Variants in TGFBR3 observed in about 807,000 individuals in gnomAD.
TGFBR3 encodes the protein transforming growth factor beta receptor type 3.
Under a neutral mutation model 87.9 loss-of-function variants are expected in TGFBR3, and 46 were observed. The observed-to-expected ratio is 0.52, with a 90% CI of 0.41 to 0.67. The LOEUF (loss-of-function observed/expected upper bound fraction) is 0.67. TGFBR3 is among the 30% of genes least tolerant of loss of function. The pLI, the probability that TGFBR3 is intolerant of heterozygous loss-of-function variation, is 0.00. For missense variants in TGFBR3, 866 were observed against 1,041.9 expected, an observed-to-expected ratio of 0.83 and a Z score of 2.32; for synonymous variants, 381 against 391.6, an observed-to-expected ratio of 0.97 and a Z score of 0.32.
chr1:91,865,216 A>G (rs1678348400), intron 1 of TGFBR3, among the ~76,000 whole-genome samples: 1 of 151,314 alleles, frequency 6.6e-6, no homozygotes, highest in Non-Finnish European at 1.5e-5. Flanking sequence ...AAAAAAAAAA[A>G]AAAGAAAAAA....
chr1:91,780,837 T>C (rs951685784), intron 3 of TGFBR3, among the ~76,000 whole-genome samples: 4 of 151,138 alleles, frequency 2.6e-5, no homozygotes, highest in African/African-American at 7.3e-5. Context: ...GGATTACAGG[T>C]GTGAGCCACT....
At chr1:91,695,914 A>C (rs1426827754) in intron 15 of TGFBR3, 135 bp from the exon 16 acceptor site, 1 of 777,874 alleles carries the variant, frequency 1.3e-6, no homozygotes, top group East Asian at 2.7e-5. Context: ...GAAGATTCCA[A>C]TAAAATACAC....
At chr1:91,734,417 C>G (rs1672884579) in intron 5 of TGFBR3, among the ~76,000 whole-genome samples, 1 of 152,254 alleles carries the variant, frequency 6.6e-6, no homozygotes, top group Non-Finnish European at 1.5e-5. Flanking sequence ...ATTCTGCCAG[C>G]TCTTCCACTC....
Position 91,797,311 on chromosome 1 carries a change from C to A in TGFBR3, c.222G>T (p.Gln74His). The A allele has an allele frequency of 1.9e-6, 3 of 1,614,222 alleles. No individual in the cohort carries two copies. Among genetic ancestry groups the A allele is most frequent in the Non-Finnish European group, 2.5e-6 (3 of 1,180,036 alleles). The part of the protein sequence containing the change: ...VHVLNLRTAG[Q>H]GPGQLQREVT... The stretch of plus-strand genomic sequence containing the variant: ...CCTCTCTCTGTAGCTGGCCAGGCCC[C>A]TGGCCTGCAGTGCGGAGATTCAGGA... Residue 74 changes from glutamine to histidine, a missense_variant, in exon 3 of 17, where the codon CAG (glutamine) becomes CAT (histidine). Coordinates refer to ENST00000212355, the MANE Select transcript of TGFBR3 (RefSeq NM_003243.5).
intron 2 of TGFBR3, among the ~76,000 whole-genome samples, chr1:91,897,232 C>A (rs1679572180): frequency 6.6e-6 from 1 of 152,150 alleles, no homozygotes. Flanking sequence ...TCAAATGTAG[C>A]CTGCGGGGGT....
chr1:91,701,986 G>C (rs1001915705), intron 14 of TGFBR3, among the ~76,000 whole-genome samples: 1 of 152,096 alleles, frequency 6.6e-6, no homozygotes, highest in Non-Finnish European at 1.5e-5. Context: ...TGTCTCACGT[G>C]GTGGGTGATT....
At chr1:91,729,362 C>A (rs865935368) in intron 6 of TGFBR3, among the ~76,000 whole-genome samples, 3 of 152,076 alleles carry the variant, frequency 2.0e-5, no homozygotes, top group South Asian at 2.1e-4. Context: ...AAGGACACCA[C>A]AAACAGAGCT....
intron 14 of TGFBR3, among the ~76,000 whole-genome samples, chr1:91,701,910 T>C (rs1467503610): frequency 6.6e-6 from 1 of 152,210 alleles, no homozygotes; most frequent in African/African-American, 2.4e-5. Context: ...TCTGGATTCT[T>C]TCAATATTTA....
chr1:91,717,060 C>G (rs1262368323), intron 10 of TGFBR3, among the ~76,000 whole-genome samples: 2 of 152,116 alleles, frequency 1.3e-5, no homozygotes, highest in Non-Finnish European at 2.9e-5. Flanking sequence ...AGAGACTTGC[C>G]TATACCGTGA....
At chr1:91,744,040 G>T (rs376670632) in intron 4 of TGFBR3, among the ~76,000 whole-genome samples, 1 of 151,414 alleles carries the variant, frequency 6.6e-6, no homozygotes, top group African/African-American at 2.4e-5. Context: ...ATATTATTTT[G>T]GATCTACTGG....
chr1:91,863,079 T>C (rs1231488406), intron 1 of TGFBR3, among the ~76,000 whole-genome samples: 1 of 152,130 alleles, frequency 6.6e-6, no homozygotes, highest in Non-Finnish European at 1.5e-5. Context: ...ACGGGGGAAA[T>C]AGGGTGACTG....
At chr1:91,795,031 CACAA>C (rs540458795) in intron 3 of TGFBR3, among the ~76,000 whole-genome samples, 1 of 152,198 alleles carries the variant, frequency 6.6e-6, no homozygotes, top group Non-Finnish European at 1.5e-5. Context: ...TCTTACCAAC[CACAA>C]ACAATCTTTC....
intron 3 of TGFBR3, among the ~76,000 whole-genome samples, chr1:91,771,286 GATA>G (rs1312107714): frequency 6.6e-6 from 1 of 152,094 alleles, no homozygotes; most frequent in East Asian, 1.9e-4. Flanking sequence ...AAAGTGTGGA[GATA>G]ATAAGAATGT....
intron 16 of TGFBR3, among the ~76,000 whole-genome samples, chr1:91,693,437 G>T (rs567541988): frequency 6.6e-5 from 10 of 152,216 alleles, no homozygotes; most frequent in African/African-American, 2.4e-4. Context: ...GAAGTCTCTG[G>T]CTTGGGGGAA....
intron 10 of TGFBR3, 128 bp downstream of exon 10, chr1:91,719,184 A>G: frequency 3.2e-6 from 4 of 1,248,610 alleles, no homozygotes; most frequent in Non-Finnish European, 4.6e-6. Flanking sequence ...TTGAGAACTG[A>G]CACTTGGCTT....
At chr1:91,840,936 G>C (rs1411313027) in intron 2 of TGFBR3, among the ~76,000 whole-genome samples, 7 of 151,982 alleles carry the variant, frequency 4.6e-5, no homozygotes, top group Non-Finnish European at 7.4e-5. Context: ...TCAGCCTCCT[G>C]AGTAGCTGAG....
chr1:91,784,526 G>C (rs1415478623), intron 3 of TGFBR3, among the ~76,000 whole-genome samples: 1 of 152,206 alleles, frequency 6.6e-6, no homozygotes, highest in Non-Finnish European at 1.5e-5. Flanking sequence ...ACTGTGGGAA[G>C]GCACAGGTTG....
At position 91,786,191 on chromosome 1, in the gene TGFBR3, A is replaced by C. The variant is rs1477535207; in HGVS notation, c.246+11096T>G. ...GAATCTGGCAGAGCACCTACCTAGC[A>C]CACAGTGGGTTCTTAATAGTGATTC... On this transcript the variant is annotated intron_variant, in intron 3 of 16. Coordinates refer to ENST00000212355, the MANE Select transcript of TGFBR3 (RefSeq NM_003243.5). 8.8e-6 allele frequency: 4 copies of C among 456,266 alleles called. No homozygotes were observed. In the East Asian group the frequency reaches 2.8e-4, roughly 32 times the overall value. 28.3% of individuals were successfully genotyped at this position (456,266 alleles called of 1,614,324 possible). A position where few individuals can be genotyped will look rare whatever the true frequency, so the allele number is the denominator to read the frequency against.
intron 2 of TGFBR3, among the ~76,000 whole-genome samples, chr1:91,816,237 G>A (rs1676217588): frequency 6.6e-6 from 1 of 152,014 alleles, no homozygotes; most frequent in African/African-American, 2.4e-5. Context: ...AAAACGAAAA[G>A]AAAACAACCC....
Sources: allele counts gnomAD v4.1 joint callset (sites outside exome capture counted in the v4.1 genomes callset), GRCh38; gene constraint gnomAD v4.1.1; transcripts MANE v1.5; gene names NCBI Gene and HGNC (gene_info 2026-07-23, HGNC 2026-07-21).